Variants in TDRD9 observed in about 807,000 individuals in gnomAD.
The protein encoded by TDRD9 is tudor domain containing 9.
A neutral mutation model predicts 172.6 loss-of-function variants in TDRD9; 124 were observed. That is an observed-to-expected ratio of 0.72 (90% CI 0.62 to 0.83). TDRD9 has a LOEUF of 0.83. Ranked by LOEUF, TDRD9 falls within the 40% of genes least tolerant of loss-of-function variation. The pLI is 0.00. For missense variants in TDRD9, 1,479 were observed against 1,714.1 expected, an observed-to-expected ratio of 0.86 and a Z score of 2.42; for synonymous variants, 619 against 617.1, an observed-to-expected ratio of 1.00 and a Z score of -0.05.
intron 1 of TDRD9, among the ~76,000 whole-genome samples, chr14:103,943,870 C>G (rs2031409885): frequency 6.6e-6 from 1 of 152,142 alleles, no homozygotes; most frequent in African/African-American, 2.4e-5. Flanking sequence ...TGTGGCCACC[C>G]TACAGCTCCT....
chr14:103,979,207 A>G (rs1479557468), intron 7 of TDRD9, among the ~76,000 whole-genome samples: 1 of 152,224 alleles, frequency 6.6e-6, no homozygotes, highest in Non-Finnish European at 1.5e-5. Context: ...ATGTTGTTGC[A>G]AATGACAGGA....
At position 103,975,468 on chromosome 14, in the gene TDRD9, C is replaced by A; in HGVS notation, c.926C>A (p.Pro309His). ...FAVPVQNKMN[P>H]AYIFEVEGKP... is the part of the protein sequence containing the mutation. ...GTTCCTGTTCAAAACAAGATGAATC[C>A]TGCATATATTTTTGAAGTGGAAGGC... The change falls in exon 7 of 36, where the codon CCT becomes CAT. Residue 309 changes from proline (P) to histidine (H), a missense_variant. Physicochemically the swap from Pro to His is moderately conservative, Grantham distance 77 (BLOSUM62 -2). Transcript: ENST00000409874. 6.2e-7 allele frequency: 1 copy of A among 1,613,744 alleles called. No individual in the cohort carries two copies. Among genetic ancestry groups the A allele is most frequent in the South Asian group, 1.1e-5 (1 of 91,050 alleles).
At chr14:103,936,190 C>G (rs1177167861) in intron 1 of TDRD9, among the ~76,000 whole-genome samples, 1 of 152,144 alleles carries the variant, frequency 6.6e-6, no homozygotes, top group African/African-American at 2.4e-5. Flanking sequence ...GTGATCCTCC[C>G]TTGATCCTCC....
intron 8 of TDRD9, among the ~76,000 whole-genome samples, chr14:103,989,622 C>T (rs1003054319): frequency 1.3e-5 from 2 of 152,198 alleles, no homozygotes; most frequent in Non-Finnish European, 2.9e-5. Context: ...ATGATGGAAT[C>T]AACCTGTCAT....
intron 20 of TDRD9, among the ~76,000 whole-genome samples, chr14:104,012,510 A>G (rs1473861792): frequency 1.5e-5 from 2 of 134,862 alleles, no homozygotes; most frequent in African/African-American, 5.3e-5. Flanking sequence ...ATTCTAAATC[A>G]TTGCTTTTTT....
At chr14:104,005,606 T>C (rs1383445175) in intron 15 of TDRD9, among the ~76,000 whole-genome samples, 1 of 152,144 alleles carries the variant, frequency 6.6e-6, no homozygotes, top group African/African-American at 2.4e-5. Context: ...CTCAGCCTCC[T>C]TCTGGCTTGC....
At chr14:103,990,678 C>G (rs2033832337) in intron 8 of TDRD9, among the ~76,000 whole-genome samples, 1 of 152,154 alleles carries the variant, frequency 6.6e-6, no homozygotes, top group Non-Finnish European at 1.5e-5. Context: ...AGAGGAGGGC[C>G]TGGCATGTAG....
At chr14:103,950,140 A>C (rs1250004725) in intron 1 of TDRD9, among the ~76,000 whole-genome samples, 1 of 120,228 alleles carries the variant, frequency 8.3e-6, no homozygotes, top group East Asian at 2.5e-4. Context: ...CCCAGGCTGG[A>C]GTGCCGTGGC....
intron 1 of TDRD9, among the ~76,000 whole-genome samples, chr14:103,954,043 A>G (rs2032076830): frequency 6.6e-6 from 1 of 152,230 alleles, no homozygotes; most frequent in African/African-American, 2.4e-5. Context: ...TTCAAGAATC[A>G]GTATCATATA....
intron 25 of TDRD9, among the ~76,000 whole-genome samples, chr14:104,025,298 C>T (rs1468803187): frequency 6.6e-6 from 1 of 152,128 alleles, no homozygotes; most frequent in African/African-American, 2.4e-5. Flanking sequence ...CTTATATGAC[C>T]TCAGAACCTT....
chr14:104,025,699 C>T lies in TDRD9; in HGVS notation c.2854C>T (p.Leu952=). Residue 952 remains leucine (L), a synonymous_variant, in exon 26 of 36, where the codon CTG becomes TTG. Transcript: ENST00000409874. ...PTHPHPDLVC[L]APFADFDKQR... ...TCACCCACATCCAGACTTGGTCTGT[C>T]TGGCACCTTTTGCTGATTTTGATAA... The T allele has an allele frequency of 6.2e-7, 1 of 1,614,032 alleles. No homozygotes were observed. The highest frequency in any genetic ancestry group is 8.5e-7 in the Non-Finnish European group (1 of 1,179,896).
Position 104,031,148 on chromosome 14 carries a change from T to G in TDRD9, c.3323T>G (p.Val1108Gly). Residue 1108 changes from valine to glycine, a missense_variant, in exon 29 of 36, where the codon GTA (valine) becomes GGA (glycine). By Grantham distance (109) the Val-to-Gly change is moderately radical. This residue lies in a region of TDRD9 where 1,413 missense variants were observed against 1,649.1 expected (regional missense o/e 0.86). Transcript: ENST00000409874. Reference protein sequence around the residue: ...EVLKGLFSKSVENMTDGSVPF... With the variant: ...EVLKGLFSKSGENMTDGSVPF... ...CTCAAGGGCCTCTTTTCCAAGTCAGTAGAAAACATGACAGATGGCTCTGTG... is the reference window on the plus strand; with the variant it reads ...CTCAAGGGCCTCTTTTCCAAGTCAGGAGAAAACATGACAGATGGCTCTGTG... 1 of 1,551,560 alleles carries G rather than the reference T, an allele frequency of 6.4e-7. No homozygotes were observed. The highest frequency in any genetic ancestry group is 8.7e-7 in the Non-Finnish European group (1 of 1,146,942).
At chr14:104,029,236 G>A (rs1299654643) in intron 28 of TDRD9, among the ~76,000 whole-genome samples, 1 of 152,130 alleles carries the variant, frequency 6.6e-6, no homozygotes, top group East Asian at 1.9e-4. Context: ...TTGGTATTTT[G>A]ATTGGAGTTG....
chr14:103,989,314 T>C (rs751564411), intron 8 of TDRD9, among the ~76,000 whole-genome samples: 2 of 152,226 alleles, frequency 1.3e-5, no homozygotes, highest in Non-Finnish European at 2.9e-5. Flanking sequence ...CATTATGGCT[T>C]TTATGACTTC....
At chr14:103,947,491 C>G (rs2031632604) in intron 1 of TDRD9, among the ~76,000 whole-genome samples, 1 of 151,984 alleles carries the variant, frequency 6.6e-6, no homozygotes, top group African/African-American at 2.4e-5. Flanking sequence ...CCACGCCCGG[C>G]TAATTTTTTT....
chr14:104,005,158 C>T, intron 14 of TDRD9, 116 bp from the exon 15 acceptor site: 22 of 1,017,234 alleles, frequency 2.2e-5, no homozygotes, highest in Admixed American at 1.5e-4. Context: ...CTCCATTTTT[C>T]TTTCTTCTCT....
At chr14:103,967,509 A>G (rs376875759) in intron 5 of TDRD9, among the ~76,000 whole-genome samples, 2 of 152,276 alleles carry the variant, frequency 1.3e-5, no homozygotes, top group South Asian at 2.1e-4. Context: ...TGGGCAACAG[A>G]GTGAGACTGC....
At position 104,014,777 on chromosome 14, in the gene TDRD9, A is replaced by T; in HGVS notation, c.2159A>T (p.His720Leu). Residue 720 changes from histidine (H) to leucine (L), a missense_variant, in exon 21 of 36, where the codon CAT becomes CTT. Physicochemically the swap from His to Leu is moderately conservative, Grantham distance 99. Coordinates refer to ENST00000409874, the MANE Select transcript of TDRD9 (RefSeq NM_153046.3). ...LKTRISQFNM[H>L]VDSRRPVMDQ... ...ACTAGAATCTCACAGTTCAACATGC[A>T]TGTTGATTCTCGGCGACCTGTCATG... The T allele has an allele frequency of 1.2e-6, 2 of 1,612,770 alleles. No homozygotes were observed. The highest frequency in any genetic ancestry group is 1.7e-6 in the Non-Finnish European group (2 of 1,179,446).
At chr14:104,010,455 CA>C (rs1422551611) in intron 20 of TDRD9, among the ~76,000 whole-genome samples, 4 of 152,108 alleles carry the variant, frequency 2.6e-5, no homozygotes, top group African/African-American at 4.8e-5. Context: ...GGAAGGTCAT[CA>C]GGGGCAGTAA....
Sources: gnomAD v4.1 joint callset for allele counts (sites outside exome capture counted in the v4.1 genomes callset) on GRCh38, gnomAD v4.1.1 for gene constraint, gnomAD v4.1.1 regional missense constraint, MANE v1.5 for transcripts, NCBI Gene and HGNC (gene_info 2026-07-23, HGNC 2026-07-21) for gene names.